SORCS2: variants seen among roughly 807,000 people sequenced by gnomAD.
SORCS2 encodes the protein VPS10 domain-containing receptor SorCS2.
SORCS2 carries 100 observed loss-of-function variants against 141.6 expected under a neutral mutation model. The observed-to-expected ratio is 0.71, with a 90% CI of 0.60 to 0.83. The LOEUF (loss-of-function observed/expected upper bound fraction) is 0.83. Ranked by LOEUF, SORCS2 falls within the 40% of genes least tolerant of loss-of-function variation. The pLI, the probability that SORCS2 is intolerant of heterozygous loss-of-function variation, is 0.00. For missense variants in SORCS2, 1,646 were observed against 1,560.2 expected, an observed-to-expected ratio of 1.05 and a Z score of -0.93; for synonymous variants, 789 against 676.9, an observed-to-expected ratio of 1.17 and a Z score of -2.57.
intron 1 of SORCS2, among the ~76,000 whole-genome samples, chr4:7,375,730 A>G (rs986458871): frequency 6.6e-6 from 1 of 152,312 alleles, no homozygotes; most frequent in South Asian, 2.1e-4. Context: ...ATACACATCC[A>G]CCCCAAAGCC....
chr4:7,582,203 C>A (rs1716205263), intron 3 of SORCS2, among the ~76,000 whole-genome samples: 1 of 152,168 alleles, frequency 6.6e-6, no homozygotes, highest in African/African-American at 2.4e-5. Flanking sequence ...TTTACAGATG[C>A]TGAAACTGAA....
intron 1 of SORCS2, among the ~76,000 whole-genome samples, chr4:7,276,454 C>T (rs1174176619): frequency 6.6e-6 from 1 of 152,146 alleles, no homozygotes. Context: ...CTGTTCTGTT[C>T]AGCCCCCAAA....
chr4:7,682,846 C>A lies in SORCS2; in HGVS notation c.1445C>A (p.Pro482Gln), dbSNP rs373150594. ...GGCCGCGACTGGGATTACCTGAGGC[C>A]ACCCAGCATGGACATGAATGGAAAA... Reference protein sequence around the residue: ...NKGRDWDYLRPPSMDMNGKPT... With the variant: ...NKGRDWDYLRQPSMDMNGKPT... Residue 482 changes from proline (P) to glutamine (Q), a missense_variant, in exon 10 of 27, where the codon CCA (proline) becomes CAA (glutamine). Physicochemically the swap from Pro to Gln is moderately conservative, Grantham distance 76 (BLOSUM62 -1). Coordinates refer to ENST00000507866, the MANE Select transcript of SORCS2 (RefSeq NM_020777.3). 1 of 1,613,362 alleles carries A rather than the reference C, an allele frequency of 6.2e-7. No homozygotes were observed. Among genetic ancestry groups the A allele is most frequent in the Admixed American group, 1.7e-5 (1 of 59,946 alleles).
intron 2 of SORCS2, among the ~76,000 whole-genome samples, chr4:7,511,742 T>C (rs1480045862): frequency 6.6e-6 from 1 of 152,134 alleles, no homozygotes; most frequent in Non-Finnish European, 1.5e-5. Flanking sequence ...AAGCAGCTCC[T>C]CTGGCTTCCC....
intron 2 of SORCS2, among the ~76,000 whole-genome samples, chr4:7,439,947 C>A (rs573276278): frequency 1.3e-5 from 2 of 152,072 alleles, no homozygotes; most frequent in Admixed American, 6.5e-5. Context: ...AGGACTTCTC[C>A]GAAGTGACCA....
chr4:7,410,793 C>T (rs1475864269), intron 2 of SORCS2, among the ~76,000 whole-genome samples: 2 of 151,302 alleles, frequency 1.3e-5, no homozygotes, highest in Non-Finnish European at 2.9e-5. Context: ...AAATAATTCA[C>T]TGTGAATCAA....
At chr4:7,402,134 G>A (rs1724633293) in intron 2 of SORCS2, among the ~76,000 whole-genome samples, 1 of 152,128 alleles carries the variant, frequency 6.6e-6, no homozygotes, top group Admixed American at 6.5e-5. Context: ...TACCACACCA[G>A]AGCCGAGTCC....
chr4:7,674,370 G>C (rs1722972906), intron 8 of SORCS2, among the ~76,000 whole-genome samples: 1 of 151,926 alleles, frequency 6.6e-6, no homozygotes, highest in Non-Finnish European at 1.5e-5. Context: ...TCAGGAGATT[G>C]AGACCATCCT....
chr4:7,618,505 G>A (rs1156707070), intron 3 of SORCS2, among the ~76,000 whole-genome samples: 1 of 152,066 alleles, frequency 6.6e-6, no homozygotes, highest in Admixed American at 6.5e-5. Context: ...CGAGGCTCCC[G>A]GGCCCGCACT....
At chr4:7,729,838 C>G in intron 23 of SORCS2, 126 bp downstream of exon 23, 1 of 1,359,886 alleles carries the variant, frequency 7.4e-7, no homozygotes, top group Non-Finnish European at 9.9e-7. Context: ...GCATCTCAGT[C>G]TGACTCAGGG....
intron 14 of SORCS2, 92 bp downstream of exon 14, chr4:7,704,376 C>T (rs1262621216): frequency 5.1e-6 from 6 of 1,169,848 alleles, no homozygotes; most frequent in Non-Finnish European, 7.2e-6. Flanking sequence ...CCCCCAGCCA[C>T]CTGGGAATCA....
intron 19 of SORCS2, among the ~76,000 whole-genome samples, chr4:7,724,904 A>G (rs1382939298): frequency 0.1 from 3,234 of 31,690 alleles, 318 homozygotes; most frequent in South Asian, 0.13. Context: ...GATGGTGGTG[A>G]TAGTATTGGT....
At chr4:7,654,236 T>TG in intron 5 of SORCS2, 29 bp downstream of exon 5, 3 of 1,557,970 alleles carry the variant, frequency 1.9e-6, no homozygotes, top group Non-Finnish European at 2.6e-6. Context: ...CCCAAACCCA[T>TG]GGGGCCCGCA....
At position 7,433,477 on chromosome 4, in the gene SORCS2, G is replaced by A. The variant is rs761604402; in HGVS notation, c.548+37122G>A. 7.6e-6 allele frequency: 12 copies of A among 1,579,212 alleles called. No individual in the cohort carries two copies. Among genetic ancestry groups the A allele is most frequent in the African/African-American group, 1.3e-5 (1 of 74,098 alleles). On this transcript the variant is annotated intron_variant, in intron 2 of 26. Coordinates refer to ENST00000507866, the MANE Select transcript of SORCS2 (RefSeq NM_020777.3). ...CAGTGGGGTCCTGGGGCCGTGGCAGGCCCCCACCTTCTTGCACACAGCCAC... is the reference window on the plus strand; with the variant it reads ...CAGTGGGGTCCTGGGGCCGTGGCAGACCCCCACCTTCTTGCACACAGCCAC...
chr4:7,380,532 G>A (rs1297305075), intron 1 of SORCS2, among the ~76,000 whole-genome samples: 1 of 152,212 alleles, frequency 6.6e-6, no homozygotes, highest in African/African-American at 2.4e-5. Context: ...TGCTGAGGAG[G>A]GGCTGGAGTA....
At chr4:7,263,441 C>G (rs1178667597) in intron 1 of SORCS2, among the ~76,000 whole-genome samples, 2 of 152,204 alleles carry the variant, frequency 1.3e-5, no homozygotes, top group African/African-American at 4.8e-5. Flanking sequence ...ACAGGCTGGG[C>G]AGGACGCTGG....
chr4:7,483,786 T>C (rs1730805523), intron 2 of SORCS2, among the ~76,000 whole-genome samples: 1 of 151,812 alleles, frequency 6.6e-6, no homozygotes, highest in African/African-American at 2.4e-5. Flanking sequence ...TTACGACAAA[T>C]ACCTAATGAA....
chr4:7,733,733 C>T (rs1416562572), intron 24 of SORCS2, among the ~76,000 whole-genome samples: 5 of 152,354 alleles, frequency 3.3e-5, no homozygotes, highest in African/African-American at 1.2e-4. Context: ...AAAGCCTTTG[C>T]AGAAGCCGAT....
At chr4:7,621,766 T>C (rs1286858910) in intron 3 of SORCS2, among the ~76,000 whole-genome samples, 2 of 152,208 alleles carry the variant, frequency 1.3e-5, no homozygotes, top group African/African-American at 4.8e-5. Flanking sequence ...CCACCGAGCT[T>C]CCCTGTCACC....
Sources: gnomAD v4.1 joint callset for allele counts (sites outside exome capture counted in the v4.1 genomes callset) on GRCh38, gnomAD v4.1.1 for gene constraint, MANE v1.5 for transcripts, NCBI Gene and HGNC (gene_info 2026-07-23, HGNC 2026-07-21) for gene names.